Variants in DNAH9 observed in about 807,000 individuals in gnomAD.
The protein encoded by DNAH9 is dynein axonemal heavy chain 9, also known as DNAH9 variant protein.
Under a neutral mutation model 471.6 loss-of-function variants are expected in DNAH9, and 345 were observed. The ratio of observed to expected loss-of-function variants is 0.73; its 90% CI spans 0.67 to 0.80. The LOEUF is 0.80. DNAH9 is among the 30% of genes least tolerant of loss of function. DNAH9 has a pLI of 0.00. For synonymous variants in DNAH9, 2,093 were observed against 2,123.6 expected (o/e 0.99, Z 0.40); for missense variants, 5,407 against 5,609.2 (o/e 0.96, Z 1.15).
chr17:11,723,659 A>C (rs773274402), intron 27 of DNAH9, among the ~76,000 whole-genome samples: 1 of 151,980 alleles, frequency 6.6e-6, no homozygotes, highest in Non-Finnish European at 1.5e-5. Context: ...CACTGTAAAA[A>C]ATTGAATTTT....
At chr17:11,942,904 T>TC (rs1306602252) in intron 67 of DNAH9, among the ~76,000 whole-genome samples, 1 of 149,628 alleles carries the variant, frequency 6.7e-6, no homozygotes, top group Admixed American at 6.6e-5. Flanking sequence ...TTCTTTTTTT[T>TC]TTTTTTTTTG....
At chr17:11,939,120 G>A (rs539515036) in intron 66 of DNAH9, among the ~76,000 whole-genome samples, 77 of 152,244 alleles carry the variant, frequency 5.1e-4, no homozygotes, top group African/African-American at 1.5e-3. Context: ...TTCTGACTCC[G>A]AGGTCTGGGG....
intron 57 of DNAH9, among the ~76,000 whole-genome samples, chr17:11,889,968 G>T (rs1973000376): frequency 6.6e-6 from 1 of 152,158 alleles, no homozygotes; most frequent in Non-Finnish European, 1.5e-5. Flanking sequence ...AGAGGAAGAA[G>T]CTTTTTGGGT....
chr17:11,725,384 A>G (rs2075133565), intron 27 of DNAH9, among the ~76,000 whole-genome samples: 1 of 152,178 alleles, frequency 6.6e-6, no homozygotes. Flanking sequence ...TGTTTTCCTT[A>G]TGGGAATATG....
intron 49 of DNAH9, among the ~76,000 whole-genome samples, chr17:11,844,689 G>A (rs1324206718): frequency 2.6e-5 from 4 of 152,160 alleles, no homozygotes; most frequent in African/African-American, 9.7e-5. Flanking sequence ...ACAGGCATGA[G>A]CCACCACACC....
intron 62 of DNAH9, among the ~76,000 whole-genome samples, chr17:11,927,997 T>C (rs1217989110): frequency 6.6e-6 from 1 of 152,226 alleles, no homozygotes; most frequent in Admixed American, 6.5e-5. Flanking sequence ...TCTGCTCCAA[T>C]TGATTTGATT....
chr17:11,744,838 G>A lies in DNAH9; in HGVS notation c.6153G>A (p.Leu2051=). 6.2e-7 allele frequency: 1 copy of A among 1,614,160 alleles called. No homozygotes were observed. The highest frequency in any genetic ancestry group is 1.1e-5 in the South Asian group (1 of 91,080). The change falls in exon 31 of 69, where the codon CTG becomes CTA. Residue 2051 remains leucine, a synonymous_variant. Coordinates refer to ENST00000262442, the MANE Select transcript of DNAH9 (RefSeq NM_001372.4). The part of the protein sequence containing the change: ...DWGLRAIKSV[L]VVAGSLKRGD... ...GCCTACGGGCCATCAAGTCCGTGCT[G>A]GTGGTGGCAGGATCCCTGAAGAGAG...
intron 36 of DNAH9, among the ~76,000 whole-genome samples, chr17:11,767,569 T>A (rs1968005873): frequency 6.6e-6 from 1 of 152,192 alleles, no homozygotes; most frequent in East Asian, 1.9e-4. Context: ...CTGCCCTCCA[T>A]GAATATTTCC....
At chr17:11,797,442 C>A (rs1023964955) in intron 42 of DNAH9, among the ~76,000 whole-genome samples, 155 bp from the exon 43 acceptor site, 3 of 152,142 alleles carry the variant, frequency 2.0e-5, no homozygotes, top group African/African-American at 7.2e-5. Context: ...TGTTAAGCAT[C>A]CACTTAAAAG....
chr17:11,698,167 T>C (rs2074511715), intron 22 of DNAH9, among the ~76,000 whole-genome samples: 1 of 61,718 alleles, frequency 1.6e-5, no homozygotes, highest in African/African-American at 9.5e-5. Context: ...AATATATTAT[T>C]ATATTAATAT....
chr17:11,759,694 T>G (rs1967580546), intron 35 of DNAH9, among the ~76,000 whole-genome samples: 1 of 150,842 alleles, frequency 6.6e-6, no homozygotes, highest in African/African-American at 2.4e-5. Context: ...ACCTAATTTT[T>G]TTTTTTTTTT....
At chr17:11,653,897 A>T (rs1372661036) in intron 14 of DNAH9, among the ~76,000 whole-genome samples, 1 of 151,914 alleles carries the variant, frequency 6.6e-6, no homozygotes, top group Non-Finnish European at 1.5e-5. Flanking sequence ...CTTTCATCCA[A>T]CTGTTCATTC....
At chr17:11,810,071 G>T (rs1261483431) in intron 44 of DNAH9, among the ~76,000 whole-genome samples, 175 bp from the exon 45 acceptor site, 1 of 152,076 alleles carries the variant, frequency 6.6e-6, no homozygotes, top group Non-Finnish European at 1.5e-5. Flanking sequence ...TGGGAATGAG[G>T]CATAGTTTCC....
intron 50 of DNAH9, among the ~76,000 whole-genome samples, chr17:11,859,411 C>CAAAA (rs34446360): frequency 7.6e-5 from 10 of 131,470 alleles, no homozygotes; most frequent in African/African-American, 2.8e-4. Flanking sequence ...GACTCCGTCT[C>CAAAA]AAAAAAAAAA....
chr17:11,831,999 T>G (rs1970701505), intron 48 of DNAH9, among the ~76,000 whole-genome samples: 1 of 152,238 alleles, frequency 6.6e-6, no homozygotes, highest in African/African-American at 2.4e-5. Context: ...CTTCTGTGTT[T>G]ATGGCATGCT....
At chr17:11,912,995 C>G (rs895048561) in intron 61 of DNAH9, among the ~76,000 whole-genome samples, 1 of 151,948 alleles carries the variant, frequency 6.6e-6, no homozygotes, top group African/African-American at 2.4e-5. Context: ...TGGTGAAACC[C>G]CATCTCTACT....
intron 54 of DNAH9, 36 bp downstream of exon 54, chr17:11,880,236 A>C (rs939959123): frequency 1.2e-5 from 20 of 1,607,232 alleles, no homozygotes; most frequent in Non-Finnish European, 1.6e-5. Flanking sequence ...CTTCGGGGGG[A>C]GCTGGTTCAT....
intron 27 of DNAH9, among the ~76,000 whole-genome samples, chr17:11,727,122 C>T (rs2075168600): frequency 1.3e-5 from 2 of 149,698 alleles, no homozygotes; most frequent in Admixed American, 1.3e-4. Flanking sequence ...TTGCATTTCC[C>T]TGGCATTTTA....
At chr17:11,943,593 C>T (rs780183492) in intron 67 of DNAH9, among the ~76,000 whole-genome samples, 1 of 152,066 alleles carries the variant, frequency 6.6e-6, no homozygotes, top group South Asian at 2.1e-4. Flanking sequence ...AGGAGAATAG[C>T]GTGAACCTGG....
Sources: gnomAD v4.1 joint callset for allele counts (sites outside exome capture counted in the v4.1 genomes callset) on GRCh38, gnomAD v4.1.1 for gene constraint, MANE v1.5 for transcripts, NCBI Gene and HGNC (gene_info 2026-07-23, HGNC 2026-07-21) for gene names.